Variants in ZNF148 observed in about 807,000 individuals in gnomAD.
The protein encoded by ZNF148 is Beta-Enolase Repressor Factor-1.
In ZNF148, 7 loss-of-function variants were observed where a neutral mutation model predicts 67.7. The ratio of observed to expected loss-of-function variants is 0.10; its 90% CI spans 0.06 to 0.19. The LOEUF is 0.19. Ranked by LOEUF, ZNF148 falls within the 10% of genes least tolerant of loss-of-function variation. The pLI is 1.00. For missense variants in ZNF148, 583 were observed against 947.1 expected, an observed-to-expected ratio of 0.62 and a Z score of 5.05; for synonymous variants, 333 against 330.7, an observed-to-expected ratio of 1.01 and a Z score of -0.08.
At chr3:125,271,403 T>C (rs970820349) in intron 7 of ZNF148, among the ~76,000 whole-genome samples, 1 of 152,350 alleles carries the variant, frequency 6.6e-6, no homozygotes, top group Non-Finnish European at 1.5e-5. Context: ...GAAGGCTACA[T>C]ACATACAGGC....
intron 4 of ZNF148, among the ~76,000 whole-genome samples, chr3:125,296,234 G>A (rs1232494384): frequency 1.3e-5 from 2 of 151,546 alleles, no homozygotes; most frequent in Non-Finnish European, 1.5e-5. Flanking sequence ...CAATTCTCAT[G>A]CCTCAGCCTT....
At chr3:125,271,666 G>C (rs184387271) in intron 7 of ZNF148, among the ~76,000 whole-genome samples, 11 of 152,330 alleles carry the variant, frequency 7.2e-5, no homozygotes, top group Admixed American at 3.9e-4. Flanking sequence ...TCACAGGACT[G>C]CTGTGTGGAT....
At chr3:125,336,677 C>CTT (rs71148176) in intron 1 of ZNF148, among the ~76,000 whole-genome samples, 7 of 95,306 alleles carry the variant, frequency 7.3e-5, no homozygotes, top group East Asian at 2.6e-4. Flanking sequence ...CAGAAATCAC[C>CTT]TTTTTTTTTT....
chr3:125,266,580 A>G (rs973309712), intron 7 of ZNF148, among the ~76,000 whole-genome samples: 1 of 152,226 alleles, frequency 6.6e-6, no homozygotes, highest in African/African-American at 2.4e-5. Flanking sequence ...AGCAGTGTTA[A>G]GAGGAAAGTT....
At chr3:125,317,662 T>TATAGAG (rs752542874) in intron 3 of ZNF148, among the ~76,000 whole-genome samples, 1,962 of 90,026 alleles carry the variant, frequency 0.022, 37 homozygotes, top group South Asian at 0.034. Context: ...TATATATATA[T>TATAGAG]AGAGAGAGAG....
chr3:125,314,655 T>C (rs1398552940), intron 3 of ZNF148, among the ~76,000 whole-genome samples: 1 of 152,222 alleles, frequency 6.6e-6, no homozygotes, highest in Non-Finnish European at 1.5e-5. Flanking sequence ...AACTTGCTAA[T>C]CTTTCTTCCC....
intron 7 of ZNF148, among the ~76,000 whole-genome samples, chr3:125,271,382 A>C (rs1460097628): frequency 1.3e-5 from 2 of 152,230 alleles, no homozygotes; most frequent in African/African-American, 2.4e-5. Flanking sequence ...ACTTCGTTTC[A>C]GCGAAGCGTA....
In ZNF148 at chr3:125,269,205, CA is replaced by C. The variant is rs71148173; in HGVS notation, c.667+8520del. ...CAACATGGTGAAGCCCGGTCTCTAC[CA>C]AAAAAAAAAAAAAAAAAAGCAAAAA... On this transcript the variant is annotated intron_variant, in intron 7 of 8. Coordinates refer to ENST00000360647, the MANE Select transcript of ZNF148 (RefSeq NM_021964.3). Among the ~76,000 whole-genome samples the C allele has an allele frequency of 7.9e-3, 767 of 96,826 alleles. 7 individuals carry two copies. Among genetic ancestry groups the C allele is most frequent in the African/African-American group, 0.027 (659 of 24,034 alleles). The allele number at this position is 96,826 out of a possible 152,430, so 63.5% of individuals were successfully genotyped here. A position where few individuals can be genotyped will look rare whatever the true frequency, so the allele number is the denominator to read the frequency against.
intron 7 of ZNF148, among the ~76,000 whole-genome samples, chr3:125,258,895 T>G (rs1328362343): frequency 3.3e-5 from 5 of 152,196 alleles, no homozygotes; most frequent in Non-Finnish European, 5.9e-5. Context: ...ATCTAACTGA[T>G]ATGCCAAATT....
chr3:125,233,947 A>G lies in ZNF148; in HGVS notation c.787-8T>C. On this transcript the variant is annotated splice_region_variant and splice_polypyrimidine_tract_variant and intron_variant, in intron 8 of 8. Coordinates refer to ENST00000360647, the MANE Select transcript of ZNF148 (RefSeq NM_021964.3). This position sits in a 1 kb window ranked among gnomAD's most constrained non-coding sequence, Gnocchi z 5.1. ...ATCTGTTCTGGAAAAATACTGTTGA[A>G]TTCAGAGGATGGTAGTGGGTTGTTT... 6.3e-7 allele frequency: 1 copy of G among 1,581,428 alleles called. No individual in the cohort carries two copies. The highest frequency in any genetic ancestry group is 8.6e-7 in the Non-Finnish European group (1 of 1,168,282).
intron 7 of ZNF148, among the ~76,000 whole-genome samples, chr3:125,276,316 T>A (rs1237840258): frequency 2.0e-5 from 3 of 152,142 alleles, no homozygotes; most frequent in African/African-American, 7.2e-5. Context: ...AAGAGATGAA[T>A]ACGTTTACTT....
intron 7 of ZNF148, among the ~76,000 whole-genome samples, chr3:125,248,665 A>G (rs1401210873): frequency 6.6e-6 from 1 of 152,214 alleles, no homozygotes; most frequent in Middle Eastern, 3.2e-3. Context: ...CTTTTTTTAT[A>G]CTAGCTGCAA....
intron 1 of ZNF148, among the ~76,000 whole-genome samples, chr3:125,346,794 C>G (rs1049983413): frequency 3.9e-5 from 6 of 152,066 alleles, no homozygotes; most frequent in Non-Finnish European, 7.4e-5. Flanking sequence ...ATTACCCAGG[C>G]TTGGGTATTT....
intron 1 of ZNF148, among the ~76,000 whole-genome samples, chr3:125,353,298 G>C (rs1942220961): frequency 6.6e-6 from 1 of 151,810 alleles, no homozygotes. Flanking sequence ...GGAATGGGGT[G>C]GGAACATAAA....
At position 125,232,672 on chromosome 3, in the gene ZNF148, T is replaced by C. The variant is rs773927290; in HGVS notation, c.2054A>G (p.His685Arg). Residue 685 changes from histidine to arginine, a missense_variant, in exon 9 of 9, where the codon CAC (histidine) becomes CGC (arginine). Physicochemically the swap from His to Arg is conservative, Grantham distance 29. Around this residue, in one of 5 missense-constraint regions of ZNF148, gnomAD observed 158 missense variants for 208.4 expected, o/e 0.76. Transcript: ENST00000360647. The surrounding 1 kb of genome is among the most constrained non-coding windows in gnomAD (Gnocchi z 4.2). Reference protein sequence around the residue: ...HFGLIVGDSQHSFPFSGDETN... With the variant: ...HFGLIVGDSQRSFPFSGDETN... ...CTCATCACCTGAAAAGGGAAATGAGTGCTGTGAATCACCAACTATTAGTCC... is the reference window on the plus strand; with the variant it reads ...CTCATCACCTGAAAAGGGAAATGAGCGCTGTGAATCACCAACTATTAGTCC... The C allele has an allele frequency of 1.2e-6, 2 of 1,613,810 alleles. No homozygotes were observed. Among genetic ancestry groups the C allele is most frequent in the African/African-American group, 1.3e-5 (1 of 74,992 alleles).
At chr3:125,311,513 TCA>T (rs1476182195) in intron 4 of ZNF148, among the ~76,000 whole-genome samples, 1 of 152,170 alleles carries the variant, frequency 6.6e-6, no homozygotes, top group Non-Finnish European at 1.5e-5. Context: ...TCTGTTCAGA[TCA>T]CACAGAAATT....
At chr3:125,342,228 C>T (rs577005971) in intron 1 of ZNF148, among the ~76,000 whole-genome samples, 1 of 151,418 alleles carries the variant, frequency 6.6e-6, no homozygotes, top group African/African-American at 2.4e-5. Context: ...ATAACTGAAA[C>T]GTACTCAAAT....
Position 125,313,634 on chromosome 3 carries a change from T to C in ZNF148, c.7A>G (p.Ile3Val), listed in dbSNP as rs768238937. The stretch of plus-strand genomic sequence containing the variant: ...AACAATCCTTCCAGTTTGTCGTCAA[T>C]GTTCATGCTTAAGTATAACTGCCTA... MN[I>V]DDKLEGLFLK... The change falls in exon 4 of 9, where the codon ATT becomes GTT. Residue 3 changes from isoleucine to valine, a missense_variant. Physicochemically the swap from Ile to Val is conservative, Grantham distance 29 (BLOSUM62 3). Transcript: ENST00000360647. 7 of 1,611,266 alleles carry C rather than the reference T, an allele frequency of 4.3e-6. No individual in the cohort carries two copies. The highest frequency in any genetic ancestry group is 2.7e-5 in the African/African-American group (2 of 74,898).
intron 3 of ZNF148, among the ~76,000 whole-genome samples, chr3:125,320,084 TTCTA>T (rs1454156178): frequency 6.6e-6 from 1 of 152,226 alleles, no homozygotes; most frequent in Non-Finnish European, 1.5e-5. Flanking sequence ...TTTTCCAATT[TTCTA>T]TCTGTTACTC....
Sources: gnomAD v4.1 joint callset for allele counts (sites outside exome capture counted in the v4.1 genomes callset) on GRCh38, gnomAD v4.1.1 for gene constraint, gnomAD v4.1.1 regional missense constraint, Gnocchi (gnomAD v3.1) non-coding constraint, MANE v1.5 for transcripts, NCBI Gene and HGNC (gene_info 2026-07-23, HGNC 2026-07-21) for gene names.